POLR2G: variants seen among roughly 807,000 people sequenced by gnomAD.
POLR2G encodes the protein RNA polymerase II subunit G.
A neutral mutation model predicts 25.7 loss-of-function variants in POLR2G; 19 were observed. The ratio of observed to expected loss-of-function variants is 0.74; its 90% confidence interval spans 0.52 to 1.08. The LOEUF is 1.08. Among genes scored for constraint, POLR2G ranks in the 50% least tolerant of loss-of-function variants. The pLI is 0.00. For missense variants in POLR2G, 123 were observed against 218.5 expected (o/e 0.56, Z 2.76); for synonymous variants, 79 against 76.0 (o/e 1.04, Z -0.21).
At chr11:62,763,442 C>T (rs928937901) in intron 3 of POLR2G, among the ~76,000 whole-genome samples, 6 of 151,706 alleles carry the variant, frequency 4.0e-5, no homozygotes, top group Admixed American at 6.6e-5. Context: ...CTACAGGTGC[C>T]CACCACCACG....
rs879172210 is a variant in POLR2G at position 62,762,063 on chromosome 11, G to A, written c.122+159G>A. The A allele has an allele frequency of 1.8e-4, 111 of 610,976 alleles. 1 individual carries two copies. In the South Asian group the frequency reaches 1.9e-3, roughly 11 times the overall value. 37.8% of individuals were successfully genotyped at this position (610,976 alleles called of 1,614,324 possible). On this transcript the variant is annotated intron_variant, in intron 2 of 7. Coordinates refer to ENST00000301788, the MANE Select transcript of POLR2G (RefSeq NM_002696.3). ...GCTTCCTGCTTTGGGTTCCCAGGGC[G>A]CCCTCTGCAATGCTGGACAATAAGA...
rs756316341 is a variant in POLR2G at position 62,761,913 on chromosome 11, C to G, written c.122+9C>G. The G allele has an allele frequency of 2.2e-5, 35 of 1,569,094 alleles. No homozygotes were observed. The South Asian group carries it at 3.7e-4, about 16-fold the overall frequency. Reference sequence around the variant, plus strand: ...GGGACCTGCACAGGGAAGTGAGTGTCGAGCTCACCGCACCGCCAGATCGTT... The same window carrying G: ...GGGACCTGCACAGGGAAGTGAGTGTGGAGCTCACCGCACCGCCAGATCGTT... On this transcript the variant is annotated intron_variant, in intron 2 of 7. Transcript: ENST00000301788.
intron 3 of POLR2G, 144 bp from the exon 4 acceptor site, chr11:62,765,038 T>G: frequency 1.6e-6 from 1 of 642,362 alleles, no homozygotes; most frequent in Non-Finnish European, 2.8e-6. Flanking sequence ...TTTGTATTTT[T>G]AGTAATGACG....
intron 6 of POLR2G, 122 bp downstream of exon 6, chr11:62,765,846 G>A: frequency 1.5e-6 from 1 of 658,234 alleles, no homozygotes; most frequent in Non-Finnish European, 2.7e-6. Context: ...GGAGTGCAGT[G>A]GCGCGATCTC....
intron 5 of POLR2G, 52 bp downstream of exon 5, chr11:62,765,457 A>T (rs760635249): frequency 2.0e-6 from 3 of 1,463,638 alleles, no homozygotes; most frequent in Non-Finnish European, 2.9e-6. Flanking sequence ...AGCCATCCTG[A>T]GGGAGAATAT....
intron 2 of POLR2G, 114 bp downstream of exon 2, chr11:62,762,018 C>T (rs976958763): frequency 2.5e-5 from 19 of 755,410 alleles, no homozygotes; most frequent in Non-Finnish European, 1.3e-5. Flanking sequence ...GGACCCCTCT[C>T]CTCTCTCAGG....
intron 6 of POLR2G, 72 bp downstream of exon 6, chr11:62,765,796 T>G (rs1279088788): frequency 9.9e-7 from 1 of 1,012,778 alleles, no homozygotes; most frequent in Non-Finnish European, 1.5e-6. Flanking sequence ...TTTCTTTTTT[T>G]TTTTTTTTTG....
chr11:62,766,381 C>T (rs1590929175), intron 7 of POLR2G, 105 bp downstream of exon 7: 1 of 1,519,272 alleles, frequency 6.6e-7, no homozygotes, highest in Non-Finnish European at 9.1e-7. Flanking sequence ...ACAGAAGAAA[C>T]TTTCATGCTG....
intron 3 of POLR2G, among the ~76,000 whole-genome samples, chr11:62,764,928 G>A (rs991278996): frequency 4.3e-4 from 65 of 151,480 alleles, no homozygotes; most frequent in African/African-American, 1.2e-3. Context: ...GTGCAATCTC[G>A]GCTCACTGCA....
intron 2 of POLR2G, chr11:62,762,666 C>T: frequency 4.7e-6 from 3 of 640,706 alleles, no homozygotes; most frequent in Non-Finnish European, 8.8e-6. Flanking sequence ...TGTGAAATTA[C>T]CAGAACAGCA....
chr11:62,766,138 C>A, intron 6 of POLR2G, 105 bp from the exon 7 acceptor site: 1 of 992,268 alleles, frequency 1.0e-6, no homozygotes, highest in Non-Finnish European at 1.6e-6. Flanking sequence ...CTGTGCTCTT[C>A]TGCCAGGAAG....
At chr11:62,763,744 G>A (rs1332453494) in intron 3 of POLR2G, among the ~76,000 whole-genome samples, 2 of 150,432 alleles carry the variant, frequency 1.3e-5, no homozygotes, top group Non-Finnish European at 3.0e-5. Context: ...TCTAAAAGGT[G>A]GGTTTTTTTT....
chr11:62,766,365 A>G, intron 7 of POLR2G, 89 bp downstream of exon 7: 1 of 1,515,512 alleles, frequency 6.6e-7, no homozygotes, highest in Non-Finnish European at 9.2e-7. Flanking sequence ...TGCCCAAATC[A>G]GAGAGACAGA....
chr11:62,766,332 G>C (rs1171543979), intron 7 of POLR2G, 56 bp downstream of exon 7: 1 of 1,556,182 alleles, frequency 6.4e-7, no homozygotes, highest in South Asian at 1.1e-5. Context: ...ATGTGTGGGG[G>C]TGGGGAGTAA....
At position 62,762,780 on chromosome 11, in the gene POLR2G, C is replaced by A. The variant is rs2084094990; in HGVS notation, c.123-87C>A. 2.7e-6 allele frequency: 3 copies of A among 1,094,258 alleles called. No homozygotes were observed. In the South Asian group the frequency reaches 4.4e-5, roughly 16 times the overall value. 67.8% of individuals were successfully genotyped at this position (1,094,258 alleles called of 1,614,324 possible). Reference sequence around the variant, plus strand: ...TGTCCTTTTGCTCTCCCCGACCCTACCCCCAAGAGCTCAGCGACTTTTATT... The same window carrying A: ...TGTCCTTTTGCTCTCCCCGACCCTAACCCCAAGAGCTCAGCGACTTTTATT... On this transcript the variant is annotated intron_variant, in intron 2 of 7. Transcript: ENST00000301788.
chr11:62,761,791 G>C lies in POLR2G; in HGVS notation c.13-4G>C. The stretch of plus-strand genomic sequence containing the variant: ...CCTGGTCGCCATCCCACTTTTCTCC[G>C]CAGATCTCCCTAGAGCACGAAATCC... On this transcript the variant is annotated splice_region_variant and splice_polypyrimidine_tract_variant and intron_variant, in intron 1 of 7. Transcript: ENST00000301788. 1.2e-6 allele frequency: 2 copies of C among 1,613,432 alleles called. No homozygotes were observed.
intron 3 of POLR2G, among the ~76,000 whole-genome samples, chr11:62,764,079 A>G (rs2509680): frequency 0.11 from 16,189 of 152,110 alleles, 1,928 homozygotes; most frequent in African/African-American, 0.3. Flanking sequence ...CTTGGAAGAA[A>G]TTAAGTGTAC....
intron 3 of POLR2G, among the ~76,000 whole-genome samples, chr11:62,763,780 G>A (rs1042391997): frequency 3.5e-5 from 5 of 144,704 alleles, no homozygotes; most frequent in East Asian, 4.2e-4. Flanking sequence ...GTCTAGCTCT[G>A]TTGCCAGGCT....
At chr11:62,765,789 CTTTTTT>C (rs371069682) in intron 6 of POLR2G, 65 bp downstream of exon 6, 3 of 730,574 alleles carry the variant, frequency 4.1e-6, no homozygotes, top group Non-Finnish European at 4.5e-6. Flanking sequence ...TTTCTTTTTT[CTTTTTT>C]TTTTTTTTTT....
Sources: gnomAD v4.1 joint callset for allele counts (sites outside exome capture counted in the v4.1 genomes callset) on GRCh38, gnomAD v4.1.1 for gene constraint, MANE v1.5 for transcripts, NCBI Gene and HGNC (gene_info 2026-07-23, HGNC 2026-07-21) for gene names.